The following CSF2RA variants were observed in gnomAD, a reference collection of about 807,000 sequenced individuals.
CSF2RA encodes the protein colony stimulating factor 2 receptor subunit alpha.
CSF2RA carries 42 observed loss-of-function variants against 51.6 expected under a neutral mutation model. The ratio of observed to expected loss-of-function variants is 0.81; its 90% CI spans 0.64 to 1.05. The LOEUF is 1.05. Ranked by LOEUF, CSF2RA falls within the 50% of genes least tolerant of loss-of-function variation. The pLI is 0.00. For synonymous variants in CSF2RA, 222 were observed against 193.0 expected, an observed-to-expected ratio of 1.15 and a Z score of -1.24; for missense variants, 530 against 501.1, an observed-to-expected ratio of 1.06 and a Z score of -0.55.
At chrX:1,314,507 C>T (rs1277736063), downstream of CSF2RA, among the ~76,000 whole-genome samples, 75 of 133,988 alleles carry the variant, frequency 5.6e-4, 2 homozygotes, top group African/African-American at 1.8e-3. Flanking sequence ...GCCTGCCCAA[C>T]CGCACTGCAC....
At chrX:1,277,216 C>T (rs1472085582) in intron 2 of CSF2RA, among the ~76,000 whole-genome samples, 14 of 152,068 alleles carry the variant, frequency 9.2e-5, no homozygotes, top group African/African-American at 3.1e-4. Context: ...TCATGCTTCC[C>T]TTAAAGCATA....
chrX:1,295,988 CG>C (rs1353251193), intron 9 of CSF2RA, among the ~76,000 whole-genome samples: 1 of 141,820 alleles, frequency 7.1e-6, no homozygotes, highest in East Asian at 2.2e-4. Flanking sequence ...TCACGACCCC[CG>C]GAGTAATCCT....
chrX:1,312,720 C>T (rs2084241300), downstream of CSF2RA, among the ~76,000 whole-genome samples: 1 of 152,128 alleles, frequency 6.6e-6, no homozygotes, highest in African/African-American at 2.4e-5. Context: ...GAGAGCCGAG[C>T]TTGGGATGGA....
intron 7 of CSF2RA, among the ~76,000 whole-genome samples, chrX:1,292,222 T>G (rs1490311252): frequency 3.3e-5 from 5 of 151,738 alleles, no homozygotes; most frequent in Non-Finnish European, 5.9e-5. Flanking sequence ...GTGTCCCTAC[T>G]CCACATTTAC....
downstream of CSF2RA, among the ~76,000 whole-genome samples, chrX:1,313,834 C>G (rs1418975952): frequency 6.6e-6 from 1 of 151,166 alleles, no homozygotes; most frequent in African/African-American, 2.4e-5. Context: ...GCTAAAGATA[C>G]AAAATCTTAG....
At chrX:1,300,965 C>G (rs1375280145) in intron 10 of CSF2RA, among the ~76,000 whole-genome samples, 4 of 151,780 alleles carry the variant, frequency 2.6e-5, no homozygotes, top group African/African-American at 9.7e-5. Flanking sequence ...ACCAGCCTGG[C>G]CAACATGGTG....
the CSF2RA span, among the ~76,000 whole-genome samples, chrX:1,324,732 A>T: frequency 6.6e-6 from 1 of 152,118 alleles, no homozygotes; most frequent in Non-Finnish European, 1.5e-5. Context: ...GTTGCCACCT[A>T]ACAAAGGCCT....
intron 9 of CSF2RA, among the ~76,000 whole-genome samples, chrX:1,296,164 C>A (rs1257035774): frequency 6.6e-6 from 1 of 151,286 alleles, no homozygotes; most frequent in African/African-American, 2.4e-5. Context: ...ACCCTACAGT[C>A]CCCTAGTCAC....
rs2084038621 is a variant in CSF2RA at position 1,309,601 on chromosome X, T to C, written c.*122T>C. 2 of 1,613,382 alleles carry C rather than the reference T, an allele frequency of 1.2e-6. No homozygotes were observed. Among genetic ancestry groups the C allele is most frequent in the African/African-American group, 1.3e-5 (1 of 74,894 alleles). On this transcript the variant is annotated 3_prime_UTR_variant, in exon 13 of 13. Coordinates refer to ENST00000381529, the MANE Select transcript of CSF2RA (RefSeq NM_172245.4). ...ATGTTTTTATTTAAAAACATGACATTTGGGGCCAGGCGCGGTGGCTCACGC... is the reference window on the plus strand; with the variant it reads ...ATGTTTTTATTTAAAAACATGACATCTGGGGCCAGGCGCGGTGGCTCACGC...
the CSF2RA span, among the ~76,000 whole-genome samples, chrX:1,320,736 C>A: frequency 6.0e-5 from 9 of 149,726 alleles, no homozygotes. Flanking sequence ...TGGTCTCGAT[C>A]CCCTGACCTT....
chrX:1,294,172 C>T (rs772338920), intron 7 of CSF2RA, 156 bp from the exon 8 acceptor site: 21 of 903,612 alleles, frequency 2.3e-5, no homozygotes, highest in Admixed American at 1.9e-4. Context: ...AGAGGTGTCC[C>T]TACTCCACCT....
At chrX:1,298,617 ACCCCTACACTCTCCT>A (rs2092150028) in intron 9 of CSF2RA, among the ~76,000 whole-genome samples, 1 of 76,526 alleles carries the variant, frequency 1.3e-5, no homozygotes, top group African/African-American at 5.3e-5. Context: ...CCTACTCACG[ACCCCTACACTCTCCT>A]ACCCATGACC....
At chrX:1,303,051 T>TTTTA (rs766528148) in intron 10 of CSF2RA, 23 of 231,066 alleles carry the variant, frequency 1.0e-4, no homozygotes, top group East Asian at 9.4e-4. Flanking sequence ...GTATTTTTAT[T>TTTTA]TTTATTTATT....
chrX:1,276,110 C>T (rs1157501774), intron 2 of CSF2RA, among the ~76,000 whole-genome samples: 2 of 152,012 alleles, frequency 1.3e-5, no homozygotes, highest in African/African-American at 2.4e-5. Context: ...AAGCAATTCT[C>T]CCGCCTCAGC....
intron 1 of CSF2RA, among the ~76,000 whole-genome samples, chrX:1,273,822 T>A (rs1279558040): frequency 6.7e-6 from 1 of 149,860 alleles, no homozygotes; most frequent in African/African-American, 2.5e-5. Context: ...ATGGTCTCGA[T>A]CTCCTGGCCT....
In CSF2RA at chrX:1,309,879, T is replaced by C. The variant is rs763420477; in HGVS notation, c.*400T>C. ...CACCAACCTGCGTGACAGAGCAAGA[T>C]TGCATCTCAAAACAAACAATAATAA... is the stretch of plus-strand genomic sequence containing the variant. On this transcript the variant is annotated 3_prime_UTR_variant, in exon 13 of 13. Coordinates refer to ENST00000381529, the MANE Select transcript of CSF2RA (RefSeq NM_172245.4). 27 of 585,782 alleles carry C rather than the reference T, an allele frequency of 4.6e-5. No homozygotes were observed. The highest frequency in any genetic ancestry group is 3.5e-4 in the African/African-American group (19 of 53,740). The allele number at this position is 585,782 out of a possible 1,614,324, so 36.3% of individuals were successfully genotyped here.
chrX:1,285,830 G>A lies in CSF2RA; in HGVS notation c.129G>A (p.Arg43=), dbSNP rs768091796. The A allele has an allele frequency of 1.2e-6, 2 of 1,613,652 alleles. No individual in the cohort carries two copies. Among genetic ancestry groups the A allele is most frequent in the Admixed American group, 1.7e-5 (1 of 59,954 alleles). The change falls in exon 4 of 13, where the codon AGG becomes AGA. Residue 43 remains arginine, a synonymous_variant. Coordinates refer to ENST00000381529, the MANE Select transcript of CSF2RA (RefSeq NM_172245.4). ...ASSLNVRFDS[R]TMNLSWDCQE... The stretch of plus-strand genomic sequence containing the variant: ...GTCTCAATGTGAGGTTTGACTCCAG[G>A]ACGATGAATTTAAGCTGGGACTGCC...
intron 2 of CSF2RA, among the ~76,000 whole-genome samples, chrX:1,280,928 T>TCTCCTCCTCCTCCTCCTCCTCCTC (rs1328073063): frequency 5.1e-5 from 1 of 19,798 alleles, no homozygotes; most frequent in East Asian, 1.7e-3. Flanking sequence ...TCCTCCTCCT[T>TCTCCTCCTCCTCCTCCTCCTCCTC]CTCCTCCTCC....
chrX:1,284,201 T>TTTTC (rs1569496737), intron 3 of CSF2RA, among the ~76,000 whole-genome samples: 1 of 126,470 alleles, frequency 7.9e-6, no homozygotes, highest in African/African-American at 2.9e-5. Context: ...CTCTCTTTTT[T>TTTTC]TTTTTTTTTT....
Sources: allele counts gnomAD v4.1 joint callset (sites outside exome capture counted in the v4.1 genomes callset), GRCh38; gene constraint gnomAD v4.1.1; transcripts MANE v1.5; gene names NCBI Gene and HGNC (gene_info 2026-07-23, HGNC 2026-07-21).